BICD1: variants seen among roughly 807,000 people sequenced by gnomAD.
BICD1 encodes protein bicaudal D homolog 1.
Under a neutral mutation model 92.5 loss-of-function variants are expected in BICD1, and 35 were observed. That is an observed-to-expected ratio of 0.38 (90% CI 0.29 to 0.50). The LOEUF is 0.50. Among genes scored for constraint, BICD1 ranks in the 20% least tolerant of loss-of-function variants. BICD1 has a pLI of 0.93. For synonymous variants in BICD1, 429 were observed against 465.1 expected, an observed-to-expected ratio of 0.92 and a Z score of 1.00; for missense variants, 950 against 1,189.8, an observed-to-expected ratio of 0.80 and a Z score of 2.97.
Position 32,189,214 on chromosome 12 carries a change from A to C in BICD1, c.214-27033A>C, listed in dbSNP as rs575921641. Among the ~76,000 whole-genome samples, 30 of 152,338 alleles carry C rather than the reference A, an allele frequency of 2.0e-4. No homozygotes were observed. The East Asian group carries it at 4.8e-3, about 24-fold the overall frequency. ...AGAACTTAAGAAGAATGTGCCTTTA[A>C]GGAGGAATAACCCTGAGAAATAGTT... On this transcript the variant is annotated intron_variant, in intron 1 of 9. Transcript: ENST00000652176.
chr12:32,225,621 G>GTTTTTTTTTTTGTTT (rs1945659358), intron 2 of BICD1, among the ~76,000 whole-genome samples: 1 of 92,776 alleles, frequency 1.1e-5, no homozygotes, highest in Non-Finnish European at 2.1e-5. Context: ...CTTTTTTTCT[G>GTTTTTTTTTTTGTTT]TTTTTTTTTT....
At chr12:32,301,605 T>C (rs1948048618) in intron 3 of BICD1, among the ~76,000 whole-genome samples, 1 of 149,202 alleles carries the variant, frequency 6.7e-6, no homozygotes, top group South Asian at 2.1e-4. Context: ...TACAAAACCT[T>C]GTCTCTACAA....
At chr12:32,119,483 C>T (rs1565528056) in intron 1 of BICD1, among the ~76,000 whole-genome samples, 1 of 152,144 alleles carries the variant, frequency 6.6e-6, no homozygotes, top group Non-Finnish European at 1.5e-5. Flanking sequence ...CATGTGAATC[C>T]CACTTCCCTT....
intron 8 of BICD1, among the ~76,000 whole-genome samples, chr12:32,351,446 C>T (rs975854489): frequency 7.2e-6 from 1 of 138,280 alleles, no homozygotes; most frequent in Middle Eastern, 4.1e-3. Context: ...AAGATGGTAC[C>T]CACTGCACTT....
At chr12:32,110,989 A>AT (rs1356727241) in intron 1 of BICD1, among the ~76,000 whole-genome samples, 2 of 149,288 alleles carry the variant, frequency 1.3e-5, no homozygotes, top group Admixed American at 6.7e-5. Flanking sequence ...AAGTATAATA[A>AT]TAAAAAAAAA....
intron 2 of BICD1, among the ~76,000 whole-genome samples, chr12:32,247,645 G>A (rs1946422532): frequency 6.6e-6 from 1 of 151,748 alleles, no homozygotes; most frequent in African/African-American, 2.4e-5. Flanking sequence ...TGGGTGTGGT[G>A]GTGCACACTC....
chr12:32,283,997 C>A (rs761899621), intron 2 of BICD1, among the ~76,000 whole-genome samples: 1 of 152,254 alleles, frequency 6.6e-6, no homozygotes, highest in Non-Finnish European at 1.5e-5. Context: ...TCTCCCCTTT[C>A]CTTCCCTGCC....
chr12:32,301,569 G>A (rs1472670130), intron 3 of BICD1, among the ~76,000 whole-genome samples: 1 of 151,884 alleles, frequency 6.6e-6, no homozygotes, highest in East Asian at 1.9e-4. Flanking sequence ...CGGTCCAGGA[G>A]TTTGAGACCA....
At chr12:32,201,773 C>T (rs554978483) in intron 1 of BICD1, among the ~76,000 whole-genome samples, 6 of 151,046 alleles carry the variant, frequency 4.0e-5, no homozygotes, top group Admixed American at 6.6e-5. Flanking sequence ...ATATTTTATA[C>T]GTGTTTGTTT....
At chr12:32,176,062 T>G (rs1944081061) in intron 1 of BICD1, among the ~76,000 whole-genome samples, 1 of 152,236 alleles carries the variant, frequency 6.6e-6, no homozygotes, top group African/African-American at 2.4e-5. Flanking sequence ...GTGTCAGTAT[T>G]CTCTTCCTCT....
At chr12:32,165,391 T>C (rs998292006) in intron 1 of BICD1, among the ~76,000 whole-genome samples, 3 of 151,904 alleles carry the variant, frequency 2.0e-5, no homozygotes, top group Non-Finnish European at 2.9e-5. Context: ...TGGCGGGCGC[T>C]TGTAGTCCCA....
At chr12:32,189,853 C>T (rs1284431960) in intron 1 of BICD1, among the ~76,000 whole-genome samples, 1 of 152,024 alleles carries the variant, frequency 6.6e-6, no homozygotes, top group Non-Finnish European at 1.5e-5. Flanking sequence ...CACGCACCAC[C>T]ATGCCAGGCT....
chr12:32,367,991 T>C (rs1939589458), intron 9 of BICD1: 2 of 440,580 alleles, frequency 4.5e-6, no homozygotes, highest in African/African-American at 3.9e-5. Context: ...TCAGCCCCTT[T>C]GTCTGTGTAA....
chr12:32,180,846 TCTGCAA>T (rs1374009414), intron 1 of BICD1, among the ~76,000 whole-genome samples: 3 of 152,002 alleles, frequency 2.0e-5, no homozygotes, highest in Non-Finnish European at 2.9e-5. Flanking sequence ...CTTTCTTAGG[TCTGCAA>T]CATCAGTCAC....
intron 2 of BICD1, among the ~76,000 whole-genome samples, chr12:32,270,553 A>G (rs1159262935): frequency 1.3e-5 from 2 of 152,248 alleles, no homozygotes; most frequent in African/African-American, 4.8e-5. Context: ...AACTTGTTTT[A>G]ATCTCATTAT....
Position 32,327,642 on chromosome 12 carries a change from G to A in BICD1, c.1187G>A (p.Gly396Asp). ...ELKAELDGEK[G>D]RDSGEEAHDY... ...AAGGCTGAGCTGGACGGGGAGAAGG[G>A]CCGGGACTCAGGGGAGGAGGCCCAT... The change falls in exon 5 of 10, where the codon GGC becomes GAC. Residue 396 changes from glycine (G) to aspartate (D), a missense_variant. By Grantham distance (94) the Gly-to-Asp change is moderately conservative (BLOSUM62 -1). Around this residue, in one of 5 missense-constraint regions of BICD1, gnomAD observed 246 missense variants for 258.4 expected, o/e 0.95. Coordinates refer to ENST00000652176, the MANE Select transcript of BICD1 (RefSeq NM_001714.4). 1 of 1,614,120 alleles carries A rather than the reference G, an allele frequency of 6.2e-7. No individual in the cohort carries two copies. The highest frequency in any genetic ancestry group is 8.5e-7 in the Non-Finnish European group (1 of 1,180,002).
intron 8 of BICD1, among the ~76,000 whole-genome samples, chr12:32,344,927 C>A (rs2136292190): frequency 6.6e-6 from 1 of 152,236 alleles, no homozygotes. Flanking sequence ...CCACAGAATT[C>A]TTCCCTGTAG....
At position 32,264,510 on chromosome 12, in the gene BICD1, CAG is replaced by C. The variant is rs1946939770; in HGVS notation, c.427-29483_427-29482del. ...ATTAAATAGAATTTTTTTTTTAAGA[CAG>C]TGTCTTGCTGTGTCGCCCAGGCTGG... On this transcript the variant is annotated intron_variant, in intron 2 of 9. Coordinates refer to ENST00000652176, the MANE Select transcript of BICD1 (RefSeq NM_001714.4). Among the ~76,000 whole-genome samples the C allele has an allele frequency of 3.9e-5, 6 of 151,914 alleles. No individual in the cohort carries two copies. The South Asian group carries it at 1.2e-3, about 32-fold the overall frequency.
At chr12:32,292,677 T>C (rs1258812797) in intron 2 of BICD1, among the ~76,000 whole-genome samples, 1 of 152,202 alleles carries the variant, frequency 6.6e-6, no homozygotes, top group African/African-American at 2.4e-5. Context: ...GCCAAATGCA[T>C]CATGACTTAT....
Sources: gnomAD v4.1 joint callset for allele counts (sites outside exome capture counted in the v4.1 genomes callset) on GRCh38, gnomAD v4.1.1 for gene constraint, gnomAD v4.1.1 regional missense constraint, MANE v1.5 for transcripts, NCBI Gene and HGNC (gene_info 2026-07-23, HGNC 2026-07-21) for gene names.